Variants in FBN2 observed in about 807,000 individuals in gnomAD.
FBN2 encodes fibrillin-2.
FBN2 carries 105 observed loss-of-function variants against 355.6 expected under a neutral mutation model. The ratio of observed to expected loss-of-function variants is 0.30; its 90% CI spans 0.25 to 0.35. The LOEUF (loss-of-function observed/expected upper bound fraction) is 0.35, where lower values mean the gene tolerates loss of function less well. Among genes scored for constraint, FBN2 ranks in the 10% least tolerant of loss-of-function variants. The pLI is 1.00. For missense variants in FBN2, 3,280 were observed against 3,758.7 expected (o/e 0.87, Z 3.33); for synonymous variants, 1,350 against 1,301.2 (o/e 1.04, Z -0.81).
intron 19 of FBN2, among the ~76,000 whole-genome samples, chr5:128,360,066 C>A (rs1751601030): frequency 6.6e-6 from 1 of 152,112 alleles, no homozygotes; most frequent in Non-Finnish European, 1.5e-5. Flanking sequence ...CCTGCTCTTG[C>A]TTTCTAAGTT....
intron 5 of FBN2, among the ~76,000 whole-genome samples, chr5:128,472,253 C>T (rs1463820240): frequency 6.6e-6 from 1 of 152,054 alleles, no homozygotes; most frequent in Non-Finnish European, 1.5e-5. Context: ...GTGAAATAAG[C>T]CAGTCACAAA....
At chr5:128,381,025 A>G (rs1231336178) in intron 11 of FBN2, among the ~76,000 whole-genome samples, 1 of 152,150 alleles carries the variant, frequency 6.6e-6, no homozygotes, top group Non-Finnish European at 1.5e-5. Context: ...TAGCTAAGAA[A>G]TATTTTCCCT....
intron 2 of FBN2, among the ~76,000 whole-genome samples, chr5:128,534,099 T>C (rs537627161): frequency 3.3e-5 from 5 of 152,178 alleles, no homozygotes; most frequent in African/African-American, 4.8e-5. Context: ...TTTATTTTTC[T>C]ATATTAAAAG....
chr5:128,272,149 G>C lies in FBN2; in HGVS notation c.7841-31C>G, dbSNP rs1765283179. The stretch of plus-strand genomic sequence containing the variant: ...AAAACAAGCCCGGCAAAACCTTTAT[G>C]TCACCTTTCTTCTACTATTTTTAAA... On this transcript the variant is annotated intron_variant, in intron 61 of 64. Coordinates refer to ENST00000262464, the MANE Select transcript of FBN2 (RefSeq NM_001999.4). 1.9e-6 allele frequency: 3 copies of C among 1,613,352 alleles called. No homozygotes were observed. In the East Asian group the frequency reaches 6.7e-5, roughly 36 times the overall value.
At chr5:128,400,441 A>G (rs1043801483) in intron 8 of FBN2, among the ~76,000 whole-genome samples, 8 of 152,176 alleles carry the variant, frequency 5.3e-5, no homozygotes, top group Non-Finnish European at 7.4e-5. Flanking sequence ...GAATATTTAC[A>G]TGACTTTTTC....
rs191538431 is a variant in FBN2, at chr5:128,464,950, G to T, written c.629-29C>A. On this transcript the variant is annotated intron_variant, in intron 5 of 64. Coordinates refer to ENST00000262464, the MANE Select transcript of FBN2 (RefSeq NM_001999.4). ...GAATGTGGGAGAAGAAAGAAAGACA[G>T]GTTTTATGATCATATACTAATCTTA... is the stretch of plus-strand genomic sequence containing the variant. 1.8e-3 allele frequency: 2,967 copies of T among 1,605,058 alleles called. 6 individuals are homozygous for T. Among genetic ancestry groups the T allele is most frequent in the Non-Finnish European group, 2.2e-3 (2,626 of 1,171,770 alleles).
Position 128,537,941 on chromosome 5 carries a change from C to A in FBN2, c.-338G>T. ...CGGGCGGGGGAGGAAATTACAAAAG[C>A]CCTGGCGTAAAATTTCAAAAAATGT... is the stretch of plus-strand genomic sequence containing the variant. On this transcript the variant is annotated 5_prime_UTR_variant, in exon 1 of 65. Transcript: ENST00000262464. 1 of 381,878 alleles carries A rather than the reference C, an allele frequency of 2.6e-6. No homozygotes were observed. The highest frequency in any genetic ancestry group is 5.5e-5 in the South Asian group (1 of 18,150). 23.7% of individuals were successfully genotyped at this position (381,878 alleles called of 1,614,324 possible).
At chr5:128,519,646 A>G (rs565312493) in intron 4 of FBN2, among the ~76,000 whole-genome samples, 6 of 152,062 alleles carry the variant, frequency 3.9e-5, no homozygotes, top group Admixed American at 2.6e-4. Flanking sequence ...AATCAGAATC[A>G]TATTCGCTGG....
chr5:128,329,462 A>AT (rs1216753952), intron 33 of FBN2, among the ~76,000 whole-genome samples: 3 of 152,090 alleles, frequency 2.0e-5, no homozygotes, highest in African/African-American at 7.2e-5. Flanking sequence ...CCTGACATGC[A>AT]TTTTTTCACT....
intron 7 of FBN2, among the ~76,000 whole-genome samples, chr5:128,424,325 G>C (rs1753431506): frequency 6.6e-6 from 1 of 152,166 alleles, no homozygotes; most frequent in African/African-American, 2.4e-5. Flanking sequence ...CCCTAGATTA[G>C]AAGGTGTTCG....
chr5:128,503,501 C>A (rs941443311), intron 5 of FBN2, among the ~76,000 whole-genome samples: 3 of 152,038 alleles, frequency 2.0e-5, no homozygotes, highest in African/African-American at 7.2e-5. Context: ...TGGATTTGAT[C>A]AAAAAGTCCA....
At chr5:128,499,810 T>C (rs1206187036) in intron 5 of FBN2, among the ~76,000 whole-genome samples, 1 of 152,068 alleles carries the variant, frequency 6.6e-6, no homozygotes, top group Non-Finnish European at 1.5e-5. Context: ...TTTTTTAAGA[T>C]GAAAACCATC....
At chr5:128,419,577 A>G (rs988384336) in intron 7 of FBN2, among the ~76,000 whole-genome samples, 1 of 152,042 alleles carries the variant, frequency 6.6e-6, no homozygotes, top group South Asian at 2.1e-4. Context: ...TTTTTTGCAT[A>G]TATTGAGGTG....
chr5:128,528,226 CA>C (rs1377731752), intron 3 of FBN2, among the ~76,000 whole-genome samples: 5 of 152,038 alleles, frequency 3.3e-5, no homozygotes, highest in Non-Finnish European at 5.9e-5. Context: ...AGGTGACTAG[CA>C]GCATAGTTTC....
intron 60 of FBN2, 58 bp downstream of exon 60, chr5:128,274,509 T>A (rs954584060): frequency 7.8e-6 from 7 of 891,914 alleles, no homozygotes; most frequent in Non-Finnish European, 1.1e-5. Flanking sequence ...ATTTTAAATA[T>A]AATTTTTATG....
intron 8 of FBN2, among the ~76,000 whole-genome samples, chr5:128,398,193 G>A (rs928419522): frequency 8.6e-5 from 13 of 152,000 alleles, no homozygotes; most frequent in African/African-American, 2.7e-4. Context: ...CACAATTAGA[G>A]GACCTAATAT....
At chr5:128,408,412 A>T (rs1259462423) in intron 8 of FBN2, among the ~76,000 whole-genome samples, 2 of 152,198 alleles carry the variant, frequency 1.3e-5, no homozygotes, top group Non-Finnish European at 2.9e-5. Context: ...AGATTTTAAA[A>T]AATTTTTCTC....
At chr5:128,501,217 G>A (rs1190219133) in intron 5 of FBN2, among the ~76,000 whole-genome samples, 1 of 152,196 alleles carries the variant, frequency 6.6e-6, no homozygotes, top group Non-Finnish European at 1.5e-5. Flanking sequence ...ATACTTCCAT[G>A]ACAAGAGGGA....
chr5:128,372,489 T>C (rs1751968699), intron 15 of FBN2, among the ~76,000 whole-genome samples: 1 of 152,110 alleles, frequency 6.6e-6, no homozygotes, highest in African/African-American at 2.4e-5. Flanking sequence ...CAGTGATTCA[T>C]TTATTTTTTC....
Sources: gnomAD v4.1 joint callset for allele counts (sites outside exome capture counted in the v4.1 genomes callset) on GRCh38, gnomAD v4.1.1 for gene constraint, MANE v1.5 for transcripts, NCBI Gene and HGNC (gene_info 2026-07-23, HGNC 2026-07-21) for gene names.